The following HHAT variants were observed in gnomAD, a reference collection of about 807,000 sequenced individuals.
HHAT encodes hedgehog acyltransferase.
A neutral mutation model predicts 70.8 loss-of-function variants in HHAT; 47 were observed. The observed-to-expected ratio is 0.66, with a 90% CI of 0.53 to 0.85. The LOEUF (loss-of-function observed/expected upper bound fraction) is 0.85, where lower values mean the gene tolerates loss of function less well. Ranked by LOEUF, HHAT falls within the 40% of genes least tolerant of loss-of-function variation. The pLI, the probability that HHAT is intolerant of heterozygous loss-of-function variation, is 0.00. For missense variants in HHAT, 609 were observed against 604.8 expected, an observed-to-expected ratio of 1.01 and a Z score of -0.07; for synonymous variants, 228 against 247.6, an observed-to-expected ratio of 0.92 and a Z score of 0.74.
intron 8 of HHAT, among the ~76,000 whole-genome samples, chr1:210,482,876 A>G (rs1267588983): frequency 6.6e-6 from 1 of 152,216 alleles, no homozygotes; most frequent in Non-Finnish European, 1.5e-5. Context: ...TAAAAGGTGT[A>G]ATGTGTTCAT....
Position 210,675,609 on chromosome 1 carries a change from C to T in HHAT, c.*1230C>T, listed in dbSNP as rs938682960. ...GTGAAAGGTTCACTTGGACCTAGTG[C>T]TGCCTCCTGTTTATTACATAGCATG... On this transcript the variant is annotated 3_prime_UTR_variant, in exon 12 of 12. Coordinates refer to ENST00000261458, the MANE Select transcript of HHAT (RefSeq NM_018194.6). 7 of 152,160 alleles carry T rather than the reference C, an allele frequency of 4.6e-5. No homozygotes were observed. The highest frequency in any genetic ancestry group is 8.8e-5 in the Non-Finnish European group (6 of 68,028). The allele number at this position is 152,160 out of a possible 1,614,324, so 9.4% of individuals were successfully genotyped here. A position where few individuals can be genotyped will look rare whatever the true frequency, so the allele number is the denominator to read the frequency against.
chr1:210,528,726 A>G (rs914772246), intron 9 of HHAT, among the ~76,000 whole-genome samples: 2 of 150,884 alleles, frequency 1.3e-5, no homozygotes, highest in East Asian at 1.9e-4. Flanking sequence ...GTACATTTTT[A>G]TATTAATTAG....
intron 7 of HHAT, among the ~76,000 whole-genome samples, chr1:210,442,617 T>C (rs1237875338): frequency 6.6e-6 from 1 of 152,228 alleles, no homozygotes; most frequent in South Asian, 2.1e-4. Context: ...ATGAGCATTT[T>C]TTCATGTGTT....
chr1:210,614,154 GTATTT>G (rs1213956404), intron 10 of HHAT, among the ~76,000 whole-genome samples: 1 of 151,446 alleles, frequency 6.6e-6, no homozygotes, highest in African/African-American at 2.4e-5. Context: ...TTATTCCTAA[GTATTT>G]TATTCTTTTT....
chr1:210,527,506 T>A (rs899266710), intron 9 of HHAT, among the ~76,000 whole-genome samples: 9 of 152,242 alleles, frequency 5.9e-5, no homozygotes, highest in Admixed American at 2.6e-4. Flanking sequence ...ACAATGGCTG[T>A]TAGCCATCAC....
chr1:210,619,905 G>A (rs2148865985), intron 10 of HHAT, among the ~76,000 whole-genome samples: 1 of 152,346 alleles, frequency 6.6e-6, no homozygotes, highest in African/African-American at 2.4e-5. Context: ...CTTAGCTGAT[G>A]AACTTGGCAA....
At chr1:210,645,496 T>C (rs1673855839) in intron 11 of HHAT, among the ~76,000 whole-genome samples, 2 of 152,192 alleles carry the variant, frequency 1.3e-5, no homozygotes, top group Admixed American at 6.5e-5. Flanking sequence ...GCCAGGAAGG[T>C]ATAATTTTTA....
chr1:210,525,133 C>T (rs1170048963), intron 9 of HHAT, among the ~76,000 whole-genome samples: 2 of 152,000 alleles, frequency 1.3e-5, no homozygotes, highest in South Asian at 2.1e-4. Flanking sequence ...TCTTGCTTGG[C>T]CATTAGTTAG....
chr1:210,386,932 C>G (rs2091120056), intron 3 of HHAT, among the ~76,000 whole-genome samples: 2 of 152,154 alleles, frequency 1.3e-5, no homozygotes, highest in Admixed American at 6.5e-5. Context: ...GTTAATTTCT[C>G]TGACAAATTA....
intron 10 of HHAT, among the ~76,000 whole-genome samples, chr1:210,599,827 T>TCA (rs1663839209): frequency 4.6e-5 from 7 of 152,286 alleles, no homozygotes; most frequent in Admixed American, 2.6e-4. Context: ...ACTCCCATTG[T>TCA]CTTAGAACCA....
At chr1:210,667,097 T>A in intron 11 of HHAT, among the ~76,000 whole-genome samples, 1 of 148,700 alleles carries the variant, frequency 6.7e-6, no homozygotes. Flanking sequence ...AAAAATGAAT[T>A]CTGGTCTGGG....
chr1:210,470,763 C>G (rs2094190340), intron 8 of HHAT, among the ~76,000 whole-genome samples: 2 of 152,068 alleles, frequency 1.3e-5, no homozygotes, highest in Non-Finnish European at 2.9e-5. Flanking sequence ...CACCAGTCAC[C>G]AGAACATAGT....
intron 11 of HHAT, 142 bp downstream of exon 11, chr1:210,623,812 G>T: frequency 1.1e-6 from 1 of 909,846 alleles, no homozygotes. Flanking sequence ...TACCAGCCAG[G>T]AATAATTTCC....
rs182212696 is a variant in HHAT at position 210,385,570 on chromosome 1, C to T, written c.160-1898C>T. Reference sequence around the variant, plus strand: ...TAAATGGAAGCAATTCAACTACATACATGATTTCCAGCAAGGGACAGGGGC... The same window carrying T: ...TAAATGGAAGCAATTCAACTACATATATGATTTCCAGCAAGGGACAGGGGC... On this transcript the variant is annotated intron_variant, in intron 3 of 11. Coordinates refer to ENST00000261458, the MANE Select transcript of HHAT (RefSeq NM_018194.6). 3.1e-3 allele frequency among the ~76,000 whole-genome samples: 468 copies of T among 152,318 alleles called. 2 individuals are homozygous for T. Among genetic ancestry groups the T allele is most frequent in the African/African-American group, 0.011 (443 of 41,574 alleles).
intron 11 of HHAT, among the ~76,000 whole-genome samples, chr1:210,624,400 C>CTG (rs1453232707): frequency 1.3e-5 from 2 of 152,180 alleles, no homozygotes; most frequent in African/African-American, 2.4e-5. Context: ...CACCTACTGT[C>CTG]TGTGGGTCCT....
intron 2 of HHAT, among the ~76,000 whole-genome samples, chr1:210,350,106 TCTAA>T (rs574014939): frequency 1.6e-3 from 237 of 152,382 alleles, no homozygotes; most frequent in Non-Finnish European, 2.9e-3. Context: ...ATAGAAGTCT[TCTAA>T]CTGTTATTTG....
chr1:210,450,302 G>GT lies in HHAT; in HGVS notation c.857-14202dup, dbSNP rs1553374442. On this transcript the variant is annotated intron_variant, in intron 7 of 11. Coordinates refer to ENST00000261458, the MANE Select transcript of HHAT (RefSeq NM_018194.6). ...CAAGACTGCGTCTCAGGTGGGGGGGGTGGGAAACAGTGAGGATATGGCCAT... is the reference window on the plus strand; with the variant it reads ...CAAGACTGCGTCTCAGGTGGGGGGGGTTGGGAAACAGTGAGGATATGGCCAT... Among the ~76,000 whole-genome samples, 200 of 149,386 alleles carry GT rather than the reference G, an allele frequency of 1.3e-3. 1 individual carries two copies. Among genetic ancestry groups the GT allele is most frequent in the African/African-American group, 4.8e-3 (197 of 40,764 alleles).
intron 7 of HHAT, among the ~76,000 whole-genome samples, chr1:210,442,028 G>A (rs1436469093): frequency 8.0e-6 from 1 of 125,484 alleles, no homozygotes; most frequent in Admixed American, 1.1e-4. Context: ...AGTCCCCAGA[G>A]TGTGATATTC....
At chr1:210,386,222 C>CTTTTTTTT (rs1295756019) in intron 3 of HHAT, among the ~76,000 whole-genome samples, 2 of 69,890 alleles carry the variant, frequency 2.9e-5, no homozygotes, top group Non-Finnish European at 5.8e-5. Context: ...GAGTCCTTTT[C>CTTTTTTTT]TTTTTTTCTT....
Sources: gnomAD v4.1 joint callset for allele counts (sites outside exome capture counted in the v4.1 genomes callset) on GRCh38, gnomAD v4.1.1 for gene constraint, MANE v1.5 for transcripts, NCBI Gene and HGNC (gene_info 2026-07-23, HGNC 2026-07-21) for gene names.